The following PLEKHG6 variants were observed in gnomAD, a reference collection of about 807,000 sequenced individuals.
PLEKHG6 encodes pleckstrin homology domain-containing family G member 6.
In PLEKHG6, 91 loss-of-function variants were observed where a neutral mutation model predicts 97.5. The observed-to-expected ratio is 0.93, with a 90% CI of 0.79 to 1.11. PLEKHG6 has a LOEUF of 1.11. Among genes scored for constraint, PLEKHG6 ranks in the 50% most tolerant of loss-of-function variants. The pLI, the probability that PLEKHG6 is intolerant of heterozygous loss-of-function variation, is 0.00. For synonymous variants in PLEKHG6, 466 were observed against 425.5 expected (o/e 1.10, Z -1.17); for missense variants, 1,044 against 1,031.0 (o/e 1.01, Z -0.17).
intron 13 of PLEKHG6, among the ~76,000 whole-genome samples, chr12:6,320,887 C>G (rs987093087): frequency 6.6e-6 from 1 of 152,164 alleles, no homozygotes; most frequent in Non-Finnish European, 1.5e-5. Flanking sequence ...CCATATCTGC[C>G]TAAGTATGGA....
intron 13 of PLEKHG6, among the ~76,000 whole-genome samples, chr12:6,322,177 C>T (rs1465579320): frequency 6.6e-6 from 1 of 152,128 alleles, no homozygotes; most frequent in Non-Finnish European, 1.5e-5. Flanking sequence ...GGCAATGGGA[C>T]CCCAGACAGA....
chr12:6,326,410 GAA>G lies in PLEKHG6; in HGVS notation c.1525-16_1525-15del, dbSNP rs760544260. 1.2e-6 allele frequency: 2 copies of G among 1,609,878 alleles called. No homozygotes were observed. The highest frequency in any genetic ancestry group is 2.7e-5 in the African/African-American group (2 of 74,758). On this transcript the variant is annotated splice_polypyrimidine_tract_variant and intron_variant, in intron 13 of 15. Transcript: ENST00000684764. ...TCAATAAATGAGAGCTCTTAATAACGAAAGTGTCCTGTCCCAGGCCGCCCTAC... is the reference window on the plus strand; with the variant it reads ...TCAATAAATGAGAGCTCTTAATAACGAGTGTCCTGTCCCAGGCCGCCCTAC...
rs777951866 is a variant in PLEKHG6, at chr12:6,327,335, T to C, written c.1752T>C (p.Asp584=). The part of the protein sequence containing the change: ...TDEDAPLVPD[D]TSDSGYGTLI... ...AAGATGCTCCCCTTGTGCCAGATGATACCTCAGACTCTGGCTACGGCACTT... is the reference window on the plus strand; with the variant it reads ...AAGATGCTCCCCTTGTGCCAGATGACACCTCAGACTCTGGCTACGGCACTT... The change falls in exon 15 of 16, where the codon GAT becomes GAC. Residue 584 remains aspartate (D), a synonymous_variant. Coordinates refer to ENST00000684764, the MANE Select transcript of PLEKHG6 (RefSeq NM_001384598.1). The C allele has an allele frequency of 2.5e-6, 4 of 1,614,088 alleles. No homozygotes were observed. The highest frequency in any genetic ancestry group is 1.7e-5 in the Admixed American group (1 of 60,022).
Position 6,327,704 on chromosome 12 carries a change from CCCCTGGGAGT to C in PLEKHG6, c.2124_2133del (p.Trp709GlnfsTer12). The C allele has an allele frequency of 6.4e-7, 1 of 1,563,008 alleles. No individual in the cohort carries two copies. ...CCCATGCTGACTCTGCCGGGGAAAG[CCCCTGGGAGT>C]CCTCAGGGGAGGAGGAAGAAGAGGG... On this transcript the variant is annotated frameshift_variant, in exon 15 of 16. Coordinates refer to ENST00000684764, the MANE Select transcript of PLEKHG6 (RefSeq NM_001384598.1). LOFTEE classifies it high-confidence loss of function.
In PLEKHG6 at chr12:6,317,385, C is replaced by A; in HGVS notation, c.839C>A (p.Thr280Asn). ...TMAYAREQQE[T>N]NPLFHAFVQW... Reference sequence around the variant, plus strand: ...GCTTACGCCCGAGAACAGCAAGAAACTAACCCTCTCTTCCATGCCTTCGTG... The same window carrying A: ...GCTTACGCCCGAGAACAGCAAGAAAATAACCCTCTCTTCCATGCCTTCGTG... Residue 280 changes from threonine to asparagine, a missense_variant, in exon 8 of 16, where the codon ACT becomes AAT. Thr to Asn is a moderately conservative substitution (Grantham distance 65). Transcript: ENST00000684764. 8 of 1,613,986 alleles carry A rather than the reference C, an allele frequency of 5.0e-6. No homozygotes were observed. Among genetic ancestry groups the A allele is most frequent in the Non-Finnish European group, 6.8e-6 (8 of 1,179,896 alleles).
chr12:6,313,682 C>T lies in PLEKHG6; in HGVS notation c.192C>T (p.Gly64=). ...QQYVPFARGS[G]QARGLSPMRL... ...ATGTCCCCTTTGCCAGGGGTTCTGG[C>T]CAGGCCCGAGGCCTGTCACCCATGA... The change falls in exon 3 of 16, where the codon GGC becomes GGT. Residue 64 remains glycine (G), a synonymous_variant. Coordinates refer to ENST00000684764, the MANE Select transcript of PLEKHG6 (RefSeq NM_001384598.1). 4.3e-6 allele frequency: 7 copies of T among 1,613,988 alleles called. No individual in the cohort carries two copies. Among genetic ancestry groups the T allele is most frequent in the Non-Finnish European group, 5.9e-6 (7 of 1,179,962 alleles).
chr12:6,322,803 C>G (rs1947743688), intron 13 of PLEKHG6, among the ~76,000 whole-genome samples: 2 of 152,120 alleles, frequency 1.3e-5, no homozygotes, highest in South Asian at 4.1e-4. Flanking sequence ...ATCACTTGAA[C>G]CCGGGAGATA....
chr12:6,322,206 G>A (rs1947728082), intron 13 of PLEKHG6, among the ~76,000 whole-genome samples: 1 of 152,220 alleles, frequency 6.6e-6, no homozygotes, highest in African/African-American at 2.4e-5. Flanking sequence ...CATTAGAAAG[G>A]GAAAGGGAAA....
intron 13 of PLEKHG6, among the ~76,000 whole-genome samples, chr12:6,324,301 C>T (rs1027761602): frequency 1.3e-5 from 2 of 148,858 alleles, no homozygotes; most frequent in Admixed American, 6.7e-5. Context: ...CTCCCCCCCC[C>T]GCCGCCTCCT....
intron 2 of PLEKHG6, 22 bp downstream of exon 2, chr12:6,312,386 A>T (rs574098161): frequency 1.3e-6 from 2 of 1,561,744 alleles, no homozygotes; most frequent in African/African-American, 2.8e-5. Context: ...CTGTGCCCCA[A>T]AAGTGACCTG....
intron 3 of PLEKHG6, 130 bp from the exon 4 acceptor site, chr12:6,314,875 C>A: frequency 1.2e-6 from 1 of 829,634 alleles, no homozygotes; most frequent in Non-Finnish European, 1.9e-6. Flanking sequence ...TGCTGCTTGC[C>A]ATCTCCCATT....
chr12:6,316,128 G>A lies in PLEKHG6; in HGVS notation c.607-127G>A. ...ACATCCTTGAGATCTTCCAGGCCCA[G>A]TGCCCAGTTCATCCTTCTTCACCCC... On this transcript the variant is annotated intron_variant, in intron 6 of 15. Transcript: ENST00000684764. This position sits in a 1 kb window ranked among gnomAD's most constrained non-coding sequence, Gnocchi z 4.1. The A allele has an allele frequency of 9.9e-7, 1 of 1,008,738 alleles. No homozygotes were observed. Among genetic ancestry groups the A allele is most frequent in the Non-Finnish European group, 1.4e-6 (1 of 701,020 alleles). 62.5% of individuals were successfully genotyped at this position (1,008,738 alleles called of 1,614,324 possible).
chr12:6,318,107 C>A, intron 10 of PLEKHG6, 113 bp downstream of exon 10: 1 of 1,383,992 alleles, frequency 7.2e-7, no homozygotes, highest in Non-Finnish European at 9.8e-7. Flanking sequence ...GGGTGTCCAT[C>A]ATTCCTACCT....
chr12:6,319,038 G>T lies in PLEKHG6; in HGVS notation c.1454G>T (p.Ser485Ile). 6.2e-7 allele frequency: 1 copy of T among 1,614,078 alleles called. No individual in the cohort carries two copies. Among genetic ancestry groups the T allele is most frequent in the Non-Finnish European group, 8.5e-7 (1 of 1,179,972 alleles). Residue 485 changes from serine (S) to isoleucine (I), a missense_variant, in exon 13 of 16, where the codon AGC (serine) becomes ATC (isoleucine). By Grantham distance (142) the Ser-to-Ile change is moderately radical. Coordinates refer to ENST00000684764, the MANE Select transcript of PLEKHG6 (RefSeq NM_001384598.1). ...CTCACTGAATTCCAGTGTGTCTCCA[G>T]CGCCCTCCTTGTGCACTGTCCCAGT... ...IHLTEFQCVS[S>I]ALLVHCPSPT...
Position 6,312,168 on chromosome 12 carries a change from A to C in PLEKHG6, c.-59A>C. 7.3e-7 allele frequency: 1 copy of C among 1,378,472 alleles called. No homozygotes were observed. The highest frequency in any genetic ancestry group is 9.5e-7 in the Non-Finnish European group (1 of 1,048,018). 85.4% of individuals were successfully genotyped at this position (1,378,472 alleles called of 1,614,324 possible). A position where few individuals can be genotyped will look rare whatever the true frequency, so the allele number is the denominator to read the frequency against. On this transcript the variant is annotated 5_prime_UTR_variant, in exon 2 of 16. Transcript: ENST00000684764. ...CTTTTCTCTCTTGCAGCCCTAGGGG[A>C]CCTCTTTCTCCTGGACATTGAAGAT...
intron 9 of PLEKHG6, 66 bp downstream of exon 9, chr12:6,317,762 T>C (rs1026598728): frequency 1.3e-6 from 2 of 1,587,236 alleles, no homozygotes; most frequent in Non-Finnish European, 1.7e-6. Context: ...TCTTTCTTAG[T>C]GTGTCTGTGA....
chr12:6,318,868 C>A lies in PLEKHG6; in HGVS notation c.1399C>A (p.Arg467=). ...MLEKLVCQPL[R]DPNSFLLIHL... ...GGAGAAGCTCGTGTGCCAACCCCTG[C>A]GAGACCCCAGTACGTCCTTCCTTCA... The change falls in exon 12 of 16, where the codon CGA becomes AGA. Residue 467 remains arginine, a synonymous_variant. Transcript: ENST00000684764. The A allele has an allele frequency of 1.2e-6, 2 of 1,614,234 alleles. No homozygotes were observed. The highest frequency in any genetic ancestry group is 1.7e-6 in the Non-Finnish European group (2 of 1,180,032).
In PLEKHG6 at chr12:6,318,386, G is replaced by A. The variant is rs1947565662; in HGVS notation, c.1241G>A (p.Gly414Glu). 1.9e-6 allele frequency: 3 copies of A among 1,612,142 alleles called. No individual in the cohort carries two copies. The highest frequency in any genetic ancestry group is 2.5e-6 in the Non-Finnish European group (3 of 1,179,312). The change falls in exon 11 of 16, where the codon GGG (glycine) becomes GAG (glutamate). Residue 414 changes from glycine (G) to glutamate (E), a missense_variant. Physicochemically the swap from Gly to Glu is moderately conservative, Grantham distance 98. Transcript: ENST00000684764. Reference protein sequence around the residue: ...SEHTRQLLLEGPVRVKEGREG... With the variant: ...SEHTRQLLLEEPVRVKEGREG... ...CACACCAGACAGCTGCTGCTGGAGG[G>A]GCCTGTGCGAGTGAAGGAGGGACGA...
rs1163362122 is a variant in PLEKHG6, at chr12:6,317,424, G to A, written c.867+11G>A. 1 of 1,611,436 alleles carries A rather than the reference G, an allele frequency of 6.2e-7. No individual in the cohort carries two copies. The highest frequency in any genetic ancestry group is 8.5e-7 in the Non-Finnish European group (1 of 1,177,978). ...CATGCCTTCGTGCAGGTGGGAGAAGGGGTGCTGGGGAGGGGGACGGGTGCA... is the reference window on the plus strand; with the variant it reads ...CATGCCTTCGTGCAGGTGGGAGAAGAGGTGCTGGGGAGGGGGACGGGTGCA... On this transcript the variant is annotated intron_variant, in intron 8 of 15. Transcript: ENST00000684764.
Sources: allele counts gnomAD v4.1 joint callset (sites outside exome capture counted in the v4.1 genomes callset), GRCh38; gene constraint gnomAD v4.1.1; non-coding constraint Gnocchi (gnomAD v3.1); transcripts MANE v1.5; gene names NCBI Gene and HGNC (gene_info 2026-07-23, HGNC 2026-07-21).